CTDSPL: variants seen among roughly 807,000 people sequenced by gnomAD.
The protein encoded by CTDSPL is CTD small phosphatase like.
In CTDSPL, 8 loss-of-function variants were observed where a neutral mutation model predicts 30.5. That is an observed-to-expected ratio of 0.26 (90% CI 0.15 to 0.47). The LOEUF is 0.47. Ranked by LOEUF, CTDSPL falls within the 20% of genes least tolerant of loss-of-function variation. The probability of loss-of-function intolerance (pLI) is 0.99; values close to 1 mark genes in which losing one functional copy is unlikely to be tolerated. For synonymous variants in CTDSPL, 110 were observed against 137.9 expected (o/e 0.80, Z 1.42); for missense variants, 248 against 366.1 (o/e 0.68, Z 2.63).
chr3:37,910,207 C>T (rs763405006), intron 1 of CTDSPL, among the ~76,000 whole-genome samples: 15 of 152,198 alleles, frequency 9.9e-5, no homozygotes, highest in Admixed American at 3.9e-4. Flanking sequence ...TGGCCTGGCG[C>T]AGTGGCTTAC....
chr3:37,888,898 C>T (rs1214818182), intron 1 of CTDSPL, among the ~76,000 whole-genome samples: 1 of 152,202 alleles, frequency 6.6e-6, no homozygotes, highest in Non-Finnish European at 1.5e-5. Flanking sequence ...GGCTCTGCCT[C>T]AGCACTTGTT....
intron 3 of CTDSPL, among the ~76,000 whole-genome samples, chr3:37,958,102 G>A (rs1699195575): frequency 6.6e-6 from 1 of 152,198 alleles, no homozygotes; most frequent in South Asian, 2.1e-4. Context: ...ACATACAATA[G>A]ACACAGCAAT....
chr3:37,881,417 TACTCGG>T (rs2125592366), intron 1 of CTDSPL, among the ~76,000 whole-genome samples: 1 of 152,152 alleles, frequency 6.6e-6, no homozygotes, highest in South Asian at 2.1e-4. Flanking sequence ...TAATCCCAGC[TACTCGG>T]GAGGCTGAGG....
At chr3:37,895,787 A>C (rs571007683) in intron 1 of CTDSPL, among the ~76,000 whole-genome samples, 2 of 152,320 alleles carry the variant, frequency 1.3e-5, no homozygotes, top group South Asian at 4.1e-4. Context: ...ATAGAGAAGT[A>C]AGAGTTTTTA....
At position 37,983,627 on chromosome 3, in the gene CTDSPL, C is replaced by T. The variant is rs1235101398; in HGVS notation, c.*2760C>T. 1 of 152,510 alleles carries T rather than the reference C, an allele frequency of 6.6e-6. No individual in the cohort carries two copies. The highest frequency in any genetic ancestry group is 1.9e-4 in the East Asian group (1 of 5,196). The allele number at this position is 152,510 out of a possible 1,614,324, so 9.4% of individuals were successfully genotyped here. On this transcript the variant is annotated 3_prime_UTR_variant, in exon 8 of 8. Transcript: ENST00000273179. ...CTGGAGAAGTATTTTTGACATTGAG[C>T]TCTGGGACAGGACACCTTGGGTTTG...
In CTDSPL at chr3:37,984,018, T is replaced by A; in HGVS notation, c.*3151T>A. 1 of 265,212 alleles carries A rather than the reference T, an allele frequency of 3.8e-6. No individual in the cohort carries two copies. Among genetic ancestry groups the A allele is most frequent in the East Asian group, 8.0e-5 (1 of 12,502 alleles). The allele number at this position is 265,212 out of a possible 1,614,324, so 16.4% of individuals were successfully genotyped here. ...GCAACATTTTACAACCCTGTATTTT[T>A]AAAGATGGCTTTCTAATAAAAAATC... is the stretch of plus-strand genomic sequence containing the variant. On this transcript the variant is annotated 3_prime_UTR_variant, in exon 8 of 8. Transcript: ENST00000273179.
chr3:37,890,965 A>G (rs1205430392), intron 1 of CTDSPL, among the ~76,000 whole-genome samples: 2 of 152,214 alleles, frequency 1.3e-5, no homozygotes, highest in East Asian at 3.8e-4. Flanking sequence ...CCAGCGGAAT[A>G]TGGCATCAAA....
chr3:37,882,673 A>T (rs1318142441), intron 1 of CTDSPL, among the ~76,000 whole-genome samples: 1 of 152,176 alleles, frequency 6.6e-6, no homozygotes, highest in African/African-American at 2.4e-5. Flanking sequence ...ATAAAATTTT[A>T]AAAATATTAC....
intron 1 of CTDSPL, among the ~76,000 whole-genome samples, chr3:37,919,160 C>G (rs1331586880): frequency 6.6e-6 from 1 of 152,020 alleles, no homozygotes; most frequent in Non-Finnish European, 1.5e-5. Flanking sequence ...ATTAACTGTC[C>G]TTATAAGAAT....
chr3:37,955,223 T>C (rs1298912852), intron 2 of CTDSPL: 2 of 152,206 alleles, frequency 1.3e-5, no homozygotes, highest in African/African-American at 4.8e-5. Flanking sequence ...ACGACAGAGT[T>C]ATCCAGCCCA....
At position 37,979,300 on chromosome 3, in the gene CTDSPL, T is replaced by TAA. The variant is rs781634182; in HGVS notation, c.706-1433_706-1432dup. Among the ~76,000 whole-genome samples, 647 of 138,820 alleles carry TAA rather than the reference T, an allele frequency of 4.7e-3. 3 individuals carry two copies. Among genetic ancestry groups the TAA allele is most frequent in the African/African-American group, 0.016 (597 of 36,562 alleles). 91.1% of individuals were successfully genotyped at this position (138,820 alleles called of 152,430 possible). A position where few individuals can be genotyped will look rare whatever the true frequency, so the allele number is the denominator to read the frequency against. On this transcript the variant is annotated intron_variant, in intron 7 of 7. Coordinates refer to ENST00000273179, the MANE Select transcript of CTDSPL (RefSeq NM_001008392.2). ...CAACAAAGCAAGATCCTGTCGCTAC[T>TAA]AAAAAAAAAAGAAAAAAAAAAGGCT...
intron 6 of CTDSPL, among the ~76,000 whole-genome samples, chr3:37,974,900 G>T (rs1434422167): frequency 6.6e-6 from 1 of 152,198 alleles, no homozygotes; most frequent in Non-Finnish European, 1.5e-5. Flanking sequence ...CATGTTTACT[G>T]AGCCCCTCTT....
chr3:37,968,357 C>A, intron 5 of CTDSPL: 1 of 386,846 alleles, frequency 2.6e-6, no homozygotes, highest in Admixed American at 3.3e-5. Flanking sequence ...AATACCCACC[C>A]CAAAAGAAAA....
chr3:37,984,180 T>C lies in CTDSPL; in HGVS notation c.*3313T>C. 1 of 456,142 alleles carries C rather than the reference T, an allele frequency of 2.2e-6. No homozygotes were observed. The highest frequency in any genetic ancestry group is 4.4e-6 in the Non-Finnish European group (1 of 226,492). 28.3% of individuals were successfully genotyped at this position (456,142 alleles called of 1,614,324 possible). On this transcript the variant is annotated 3_prime_UTR_variant, in exon 8 of 8. Transcript: ENST00000273179. ...GTACTTGCAGTTAACTGTGCAAAAT[T>C]GGCTGGCTGCCTCTGTTCCTACTGT...
At chr3:37,882,928 C>T (rs557270987) in intron 1 of CTDSPL, among the ~76,000 whole-genome samples, 3 of 152,280 alleles carry the variant, frequency 2.0e-5, no homozygotes, top group South Asian at 2.1e-4. Flanking sequence ...CAGTGTTCTA[C>T]GTGCTTGGTT....
Position 37,930,858 on chromosome 3 carries a change from A to G in CTDSPL, c.80-16199A>G, listed in dbSNP as rs551311399. Among the ~76,000 whole-genome samples the G allele has an allele frequency of 5.5e-4, 84 of 152,144 alleles. 2 individuals are homozygous for G. Among genetic ancestry groups the G allele is most frequent in the Admixed American group, 5.4e-3 (83 of 15,274 alleles). On this transcript the variant is annotated intron_variant, in intron 1 of 7. Transcript: ENST00000273179. ...CTTCATTTCTATCGGTGCTTGCTTC[A>G]TGTATTTGGGTGCTCTGATGTTATA... is the stretch of plus-strand genomic sequence containing the variant.
chr3:37,901,273 A>G (rs1698448068), intron 1 of CTDSPL, among the ~76,000 whole-genome samples: 1 of 152,150 alleles, frequency 6.6e-6, no homozygotes, highest in Admixed American at 6.5e-5. Flanking sequence ...CCAGGTCAAG[A>G]ACAGGAAGGG....
chr3:37,874,586 T>C (rs1381349815), intron 1 of CTDSPL, among the ~76,000 whole-genome samples: 1 of 151,982 alleles, frequency 6.6e-6, no homozygotes. Context: ...AAAAATGAGC[T>C]GGGCGTGGTG....
chr3:37,894,101 A>G (rs970151949), intron 1 of CTDSPL, among the ~76,000 whole-genome samples: 7 of 152,118 alleles, frequency 4.6e-5, no homozygotes, highest in Non-Finnish European at 1.0e-4. Flanking sequence ...GTTTTAAGAG[A>G]AAAGATCTCA....
Sources: gnomAD v4.1 joint callset for allele counts (sites outside exome capture counted in the v4.1 genomes callset) on GRCh38, gnomAD v4.1.1 for gene constraint, MANE v1.5 for transcripts, NCBI Gene and HGNC (gene_info 2026-07-23, HGNC 2026-07-21) for gene names.